ZBTB7C: variants seen among roughly 807,000 people sequenced by gnomAD.
ZBTB7C encodes zinc finger and BTB domain-containing protein 7C.
ZBTB7C carries 8 observed loss-of-function variants against 25.7 expected under a neutral mutation model. The observed-to-expected ratio is 0.31, with a 90% CI of 0.18 to 0.56. The LOEUF is 0.56. ZBTB7C is among the 20% of genes least tolerant of loss of function. The pLI, the probability that ZBTB7C is intolerant of heterozygous loss-of-function variation, is 0.91. For missense variants in ZBTB7C, 824 were observed against 855.2 expected (o/e 0.96, Z 0.46); for synonymous variants, 394 against 369.0 (o/e 1.07, Z -0.78).
intron 2 of ZBTB7C, among the ~76,000 whole-genome samples, chr18:48,193,566 G>A (rs1219706644): frequency 6.6e-6 from 1 of 152,206 alleles, no homozygotes; most frequent in Admixed American, 6.5e-5. Context: ...GAAGGAACAC[G>A]CCATAGGAGA....
chr18:48,221,182 C>T (rs1293378982), intron 2 of ZBTB7C, among the ~76,000 whole-genome samples: 1 of 150,894 alleles, frequency 6.6e-6, no homozygotes, highest in African/African-American at 2.4e-5. Flanking sequence ...CTATCCTTGT[C>T]TCCTCTATAC....
At chr18:48,112,908 C>T (rs1220674780) in intron 3 of ZBTB7C, among the ~76,000 whole-genome samples, 1 of 152,066 alleles carries the variant, frequency 6.6e-6, no homozygotes, top group East Asian at 1.9e-4. Context: ...GGTTTAAATT[C>T]AATAACTGTG....
chr18:48,037,800 T>C (rs927018298), intron 4 of ZBTB7C, among the ~76,000 whole-genome samples: 1 of 152,192 alleles, frequency 6.6e-6, no homozygotes, highest in African/African-American at 2.4e-5. Flanking sequence ...AGAGCCTGCG[T>C]TGGCAGGAGA....
At chr18:48,193,112 C>T (rs938922924) in intron 2 of ZBTB7C, among the ~76,000 whole-genome samples, 1 of 152,160 alleles carries the variant, frequency 6.6e-6, no homozygotes, top group African/African-American at 2.4e-5. Flanking sequence ...TGAAGTGCAA[C>T]CATGTCTGGC....
At chr18:48,245,518 A>ATGTTGTATAC (rs5824739) in intron 2 of ZBTB7C, among the ~76,000 whole-genome samples, 2 of 145,250 alleles carry the variant, frequency 1.4e-5, no homozygotes, top group African/African-American at 2.6e-5. Flanking sequence ...GAAAAAATGA[A>ATGTTGTATAC]TTTTCTATGG....
intron 3 of ZBTB7C, among the ~76,000 whole-genome samples, chr18:48,132,037 G>A (rs894629587): frequency 1.1e-4 from 16 of 152,030 alleles, no homozygotes; most frequent in African/African-American, 7.3e-5. Context: ...CCACTCCTAG[G>A]TATATACCCC....
intron 3 of ZBTB7C, among the ~76,000 whole-genome samples, chr18:48,177,036 C>A (rs918428452): frequency 6.6e-6 from 1 of 152,248 alleles, no homozygotes; most frequent in Non-Finnish European, 1.5e-5. Flanking sequence ...CCAGGCCCCC[C>A]ATAGGGTGTG....
intron 4 of ZBTB7C, among the ~76,000 whole-genome samples, chr18:48,036,398 T>A (rs982138375): frequency 2.0e-5 from 3 of 152,078 alleles, no homozygotes; most frequent in Non-Finnish European, 2.9e-5. Context: ...AGCTGGCATC[T>A]GGGAGGCTGT....
chr18:48,091,174 A>G (rs897695086), intron 3 of ZBTB7C, among the ~76,000 whole-genome samples: 2 of 151,420 alleles, frequency 1.3e-5, no homozygotes, highest in Admixed American at 1.3e-4. Flanking sequence ...CCTGGGCTCA[A>G]ATGATCCTCA....
intron 3 of ZBTB7C, among the ~76,000 whole-genome samples, chr18:48,143,210 G>A (rs1447652036): frequency 1.3e-5 from 2 of 152,138 alleles, no homozygotes; most frequent in Non-Finnish European, 2.9e-5. Flanking sequence ...GTGGGGAGGT[G>A]ACTTGCCTGA....
intron 3 of ZBTB7C, among the ~76,000 whole-genome samples, chr18:48,138,144 T>C (rs958178664): frequency 6.6e-6 from 1 of 152,214 alleles, no homozygotes; most frequent in Non-Finnish European, 1.5e-5. Flanking sequence ...ACGAGGTGCT[T>C]GGCCTTCCAT....
intron 2 of ZBTB7C, among the ~76,000 whole-genome samples, chr18:48,222,436 G>A (rs1416394399): frequency 6.6e-6 from 1 of 152,176 alleles, no homozygotes; most frequent in Non-Finnish European, 1.5e-5. Flanking sequence ...ACAGCCTTGT[G>A]TTGAGAGCAG....
intron 3 of ZBTB7C, among the ~76,000 whole-genome samples, chr18:48,135,587 C>G (rs1332623243): frequency 1.3e-5 from 2 of 152,028 alleles, no homozygotes; most frequent in African/African-American, 4.8e-5. Flanking sequence ...GGGGGGAGGA[C>G]CGGCACTGGG....
intron 2 of ZBTB7C, among the ~76,000 whole-genome samples, chr18:48,235,167 G>A (rs184695323): frequency 7.9e-5 from 12 of 152,050 alleles, no homozygotes; most frequent in African/African-American, 2.7e-4. Context: ...TATATTTATT[G>A]TAATGACTAA....
intron 3 of ZBTB7C, among the ~76,000 whole-genome samples, chr18:48,062,323 C>A (rs2037156859): frequency 6.6e-6 from 1 of 152,198 alleles, no homozygotes; most frequent in Admixed American, 6.5e-5. Context: ...CCCTCTCCCT[C>A]TCCCCAGGGA....
intron 2 of ZBTB7C, among the ~76,000 whole-genome samples, chr18:48,271,112 C>T (rs1167506579): frequency 2.6e-5 from 4 of 152,140 alleles, no homozygotes; most frequent in African/African-American, 9.7e-5. Context: ...CTGCACCTCC[C>T]TCCTCAAAGG....
At chr18:48,088,407 G>A (rs2038276114) in intron 3 of ZBTB7C, 1 of 152,170 alleles carries the variant, frequency 6.6e-6, no homozygotes, top group Non-Finnish European at 1.5e-5. Context: ...CAGAGAAGGA[G>A]CAGGATATAC....
intron 2 of ZBTB7C, among the ~76,000 whole-genome samples, chr18:48,219,888 C>T (rs1234352042): frequency 6.6e-6 from 1 of 152,042 alleles, no homozygotes; most frequent in Non-Finnish European, 1.5e-5. Context: ...GGTTGGGAGG[C>T]AATTGCAACA....
chr18:48,326,316 G>A lies in ZBTB7C; in HGVS notation c.-79+11858C>T, dbSNP rs1003620764. 2.0e-5 allele frequency among the ~76,000 whole-genome samples: 3 copies of A among 152,022 alleles called. No individual in the cohort carries two copies. The East Asian group carries it at 5.8e-4, about 29-fold the overall frequency. ...TCACCATGTTGGCCAGGCTGGTCTC[G>A]AACCCCTGACCTCAAGTGATCTGCC... On this transcript the variant is annotated intron_variant, in intron 2 of 4. Transcript: ENST00000590800.
Sources: gnomAD v4.1 joint callset for allele counts (sites outside exome capture counted in the v4.1 genomes callset) on GRCh38, gnomAD v4.1.1 for gene constraint, MANE v1.5 for transcripts, NCBI Gene and HGNC (gene_info 2026-07-23, HGNC 2026-07-21) for gene names.